MIER2: variants seen among roughly 807,000 people sequenced by gnomAD.
The protein encoded by MIER2 is mesoderm induction early response protein 2.
MIER2 carries 30 observed loss-of-function variants against 67.6 expected under a neutral mutation model. That is an observed-to-expected ratio of 0.44 (90% CI 0.33 to 0.60). The LOEUF is 0.60. MIER2 is among the 20% of genes least tolerant of loss of function. MIER2 has a pLI of 0.02. For synonymous variants in MIER2, 372 were observed against 312.6 expected, an observed-to-expected ratio of 1.19 and a Z score of -2.00; for missense variants, 702 against 745.1, an observed-to-expected ratio of 0.94 and a Z score of 0.67.
At chr19:326,989 G>A in intron 5 of MIER2, 144 bp downstream of exon 5, 2 of 1,184,890 alleles carry the variant, frequency 1.7e-6, no homozygotes, top group Non-Finnish European at 1.2e-6. Flanking sequence ...AGCACCCCCA[G>A]GGCTACTGAC....
At chr19:311,041 G>A (rs557572839) in intron 10 of MIER2, among the ~76,000 whole-genome samples, 51 of 152,346 alleles carry the variant, frequency 3.3e-4, no homozygotes, top group Admixed American at 1.6e-3. Flanking sequence ...GTCCTGAGCC[G>A]TACAACCAGC....
rs367873964 is a variant in MIER2 at position 306,383 on chromosome 19, G to A, written c.*307C>T. On this transcript the variant is annotated 3_prime_UTR_variant, in exon 14 of 14. Coordinates refer to ENST00000264819, the MANE Select transcript of MIER2 (RefSeq NM_017550.3). ...GACTAGGTGGCCGGCTCTGCCCTGC[G>A]TCCCAACGGCGGGGTCTCTTCTGTC... The A allele has an allele frequency of 2.6e-5, 14 of 532,390 alleles. No individual in the cohort carries two copies. The highest frequency in any genetic ancestry group is 1.4e-4 in the African/African-American group (7 of 51,678). The allele number at this position is 532,390 out of a possible 1,614,324, so 33.0% of individuals were successfully genotyped here. A position where few individuals can be genotyped will look rare whatever the true frequency, so the allele number is the denominator to read the frequency against.
At chr19:323,610 C>A (rs377119565) in intron 7 of MIER2, among the ~76,000 whole-genome samples, 2 of 151,764 alleles carry the variant, frequency 1.3e-5, no homozygotes, top group Non-Finnish European at 2.9e-5. Context: ...ACAAGACACA[C>A]ACAACCATGG....
chr19:335,746 C>T (rs1363247769), intron 2 of MIER2, among the ~76,000 whole-genome samples: 1 of 152,188 alleles, frequency 6.6e-6, no homozygotes, highest in Non-Finnish European at 1.5e-5. Context: ...CTTCTCAGCC[C>T]CGGCTCCCTC....
intron 3 of MIER2, among the ~76,000 whole-genome samples, chr19:330,786 A>C (rs987862234): frequency 1.3e-5 from 2 of 152,082 alleles, no homozygotes; most frequent in Non-Finnish European, 2.9e-5. Context: ...ACAGCAAGCC[A>C]AGAAGAGAGC....
intron 3 of MIER2, among the ~76,000 whole-genome samples, chr19:328,807 C>G (rs1971885131): frequency 6.6e-6 from 1 of 152,184 alleles, no homozygotes; most frequent in Non-Finnish European, 1.5e-5. Flanking sequence ...AATGGAGAAG[C>G]TGTCAATTCA....
Position 324,078 on chromosome 19 carries a change from C to T in MIER2, c.655+1557G>A, listed in dbSNP as rs1161511743. The stretch of plus-strand genomic sequence containing the variant: ...GCAATACACAAGACACACACAACCA[C>T]GCAGACGACTCAAAGGACATAGGCG... On this transcript the variant is annotated intron_variant, in intron 7 of 13. Coordinates refer to ENST00000264819, the MANE Select transcript of MIER2 (RefSeq NM_017550.3). 4.6e-5 allele frequency among the ~76,000 whole-genome samples: 6 copies of T among 129,568 alleles called. 1 individual carries two copies. Among genetic ancestry groups the T allele is most frequent in the African/African-American group, 6.5e-5 (2 of 30,944 alleles). 85.0% of individuals were successfully genotyped at this position (129,568 alleles called of 152,430 possible).
chr19:319,644 C>T (rs759761883), intron 7 of MIER2, among the ~76,000 whole-genome samples: 26 of 152,010 alleles, frequency 1.7e-4, no homozygotes, highest in African/African-American at 4.1e-4. Flanking sequence ...TTTTTAGTAG[C>T]GACAGGGTTT....
chr19:320,304 C>G (rs1289971517), intron 7 of MIER2, among the ~76,000 whole-genome samples: 1 of 152,022 alleles, frequency 6.6e-6, no homozygotes, highest in Non-Finnish European at 1.5e-5. Context: ...TCACTTGAGC[C>G]CGGGAGCAGA....
At chr19:341,752 C>A (rs1972514062) in intron 1 of MIER2, among the ~76,000 whole-genome samples, 1 of 152,106 alleles carries the variant, frequency 6.6e-6, no homozygotes, top group African/African-American at 2.4e-5. Context: ...CAACGGTATT[C>A]CAGGCAACAA....
At chr19:338,955 G>A (rs750165531) in intron 1 of MIER2, among the ~76,000 whole-genome samples, 9 of 152,046 alleles carry the variant, frequency 5.9e-5, no homozygotes, top group African/African-American at 9.6e-5. Flanking sequence ...ACAACTTTTC[G>A]GAGAAAATAT....
chr19:322,569 G>A (rs966524106), intron 7 of MIER2, among the ~76,000 whole-genome samples: 7 of 152,046 alleles, frequency 4.6e-5, no homozygotes, highest in African/African-American at 1.7e-4. Flanking sequence ...CAAATGGCCA[G>A]TACACCTGCG....
chr19:322,682 C>A (rs567865342), intron 7 of MIER2, among the ~76,000 whole-genome samples: 39 of 152,236 alleles, frequency 2.6e-4, no homozygotes, highest in African/African-American at 8.9e-4. Context: ...CAGTGGCAAA[C>A]ACCGAGAATG....
intron 3 of MIER2, among the ~76,000 whole-genome samples, chr19:333,827 TAC>T (rs1310777718): frequency 2.0e-5 from 3 of 150,672 alleles, no homozygotes; most frequent in Admixed American, 6.6e-5. Flanking sequence ...TAGCTGGGAC[TAC>T]AGTCACCCGC....
rs1238296325 is a variant in MIER2, at chr19:327,169, G to C, written c.457C>G (p.His153Asp). The C allele has an allele frequency of 6.3e-7, 1 of 1,594,672 alleles. No individual in the cohort carries two copies. Among genetic ancestry groups the C allele is most frequent in the Non-Finnish European group, 8.5e-7 (1 of 1,174,732 alleles). Residue 153 changes from histidine to aspartate, a missense_variant, in exon 5 of 14, where the codon CAC (histidine) becomes GAC (aspartate). By Grantham distance (81) the His-to-Asp change is moderately conservative. Transcript: ENST00000264819. ...TTAGGGAAGAGGTCGGAGGCCTCGT[G>C]GGAGGTCACGGACGGGGTGAGGTCG... ...ADDLTPSVTSHEASDLFPNRS... is the reference protein window; with the variant it reads ...ADDLTPSVTSDEASDLFPNRS...
Position 308,529 on chromosome 19 carries a change from C to T in MIER2, c.1198+48G>A, listed in dbSNP as rs1479934327. 6.5e-7 allele frequency: 1 copy of T among 1,534,718 alleles called. No homozygotes were observed. Among genetic ancestry groups the T allele is most frequent in the East Asian group, 2.4e-5 (1 of 41,468 alleles). ...GCTCCACCGGGCCTCACTCACGGCT[C>T]CAGACCCGTGGCCGCCCCCAGGGCA... On this transcript the variant is annotated intron_variant, in intron 12 of 13. Transcript: ENST00000264819. This position sits in a 1 kb window ranked among gnomAD's most constrained non-coding sequence, Gnocchi z 9.1.
In MIER2 at chr19:306,341, C is replaced by T; in HGVS notation, c.*349G>A. On this transcript the variant is annotated 3_prime_UTR_variant, in exon 14 of 14. Coordinates refer to ENST00000264819, the MANE Select transcript of MIER2 (RefSeq NM_017550.3). ...CCGGGGCAGTGACGCCTTCCCTCGC[C>T]TCTGCTGGCTGGAAGGGACTAGGTG... is the stretch of plus-strand genomic sequence containing the variant. 2.7e-6 allele frequency: 1 copy of T among 375,322 alleles called. No homozygotes were observed. Among genetic ancestry groups the T allele is most frequent in the South Asian group, 5.0e-5 (1 of 20,068 alleles). 23.2% of individuals were successfully genotyped at this position (375,322 alleles called of 1,614,324 possible). A position where few individuals can be genotyped will look rare whatever the true frequency, so the allele number is the denominator to read the frequency against.
intron 7 of MIER2, 73 bp downstream of exon 7, chr19:325,562 A>G: frequency 6.4e-7 from 1 of 1,558,316 alleles, no homozygotes; most frequent in South Asian, 1.1e-5. Flanking sequence ...AGACTGTCCA[A>G]GGATCTGACG....
chr19:312,293 C>T (rs769693617), intron 8 of MIER2, 21 bp from the exon 9 acceptor site: 3 of 1,611,844 alleles, frequency 1.9e-6, no homozygotes, highest in East Asian at 2.2e-5. Context: ...GACATGTTGG[C>T]TCTTCCATGG....
Sources: allele counts gnomAD v4.1 joint callset (sites outside exome capture counted in the v4.1 genomes callset), GRCh38; gene constraint gnomAD v4.1.1; non-coding constraint Gnocchi (gnomAD v3.1); transcripts MANE v1.5; gene names NCBI Gene and HGNC (gene_info 2026-07-23, HGNC 2026-07-21).